The following PTPN13 variants were observed in gnomAD, a reference collection of about 807,000 sequenced individuals.
The protein encoded by PTPN13 is tyrosine-protein phosphatase non-receptor type 13.
In PTPN13, 191 loss-of-function variants were observed where a neutral mutation model predicts 284.0. That is an observed-to-expected ratio of 0.67 (90% CI 0.60 to 0.76). PTPN13 has a LOEUF of 0.76. PTPN13 is among the 30% of genes least tolerant of loss of function. The pLI is 0.00. For synonymous variants in PTPN13, 986 were observed against 1,022.3 expected, an observed-to-expected ratio of 0.96 and a Z score of 0.68; for missense variants, 2,797 against 2,939.9, an observed-to-expected ratio of 0.95 and a Z score of 1.12.
At chr4:86,739,757 C>T (rs933832385) in intron 15 of PTPN13, among the ~76,000 whole-genome samples, 1 of 152,206 alleles carries the variant, frequency 6.6e-6, no homozygotes, top group Non-Finnish European at 1.5e-5. Flanking sequence ...AGGCAAGTCC[C>T]TTCTGCCTAT....
At chr4:86,689,828 T>C in intron 5 of PTPN13, 1 of 688,240 alleles carries the variant, frequency 1.5e-6, no homozygotes, top group Non-Finnish European at 2.6e-6. Flanking sequence ...TCTAAGGCTG[T>C]ATTTTATCTT....
intron 1 of PTPN13, among the ~76,000 whole-genome samples, chr4:86,601,661 A>G (rs1039277151): frequency 2.6e-5 from 4 of 152,286 alleles, no homozygotes; most frequent in Non-Finnish European, 2.9e-5. Context: ...TTATGTTAGT[A>G]CATCAAACTT....
chr4:86,768,952 C>T (rs566722321), intron 28 of PTPN13, among the ~76,000 whole-genome samples: 29 of 151,980 alleles, frequency 1.9e-4, no homozygotes, highest in African/African-American at 4.3e-4. Flanking sequence ...TCAGGTGATC[C>T]GCCCTCCTCA....
intron 1 of PTPN13, among the ~76,000 whole-genome samples, chr4:86,597,142 C>T (rs772099849): frequency 1.3e-4 from 19 of 149,012 alleles, no homozygotes; most frequent in Non-Finnish European, 2.7e-4. Context: ...ATGGAAATGA[C>T]GAGAATCTTT....
At chr4:86,617,171 T>C (rs921956851) in intron 1 of PTPN13, among the ~76,000 whole-genome samples, 6 of 152,188 alleles carry the variant, frequency 3.9e-5, no homozygotes, top group African/African-American at 1.4e-4. Flanking sequence ...TTCATAATTT[T>C]CTAGGGCTTT....
Position 86,613,094 on chromosome 4 carries a change from T to A in PTPN13, c.-6+18305T>A, listed in dbSNP as rs151250353. Among the ~76,000 whole-genome samples the A allele has an allele frequency of 3.3e-3, 505 of 152,300 alleles. 1 individual carries two copies. The highest frequency in any genetic ancestry group is 0.012 in the African/African-American group (489 of 41,562). On this transcript the variant is annotated intron_variant, in intron 1 of 47. Coordinates refer to ENST00000411767, the MANE Select transcript of PTPN13 (RefSeq NM_080683.3). ...ATACTTTTCTAATTATTGAACTTGA[T>A]AATAGGCTGAGAAAAGTAAATTGGC...
intron 15 of PTPN13, among the ~76,000 whole-genome samples, chr4:86,737,607 C>T (rs144159848): frequency 6.6e-6 from 1 of 151,868 alleles, no homozygotes; most frequent in African/African-American, 2.4e-5. Flanking sequence ...GTCCCCTCCC[C>T]CTACCTGTAA....
intron 2 of PTPN13, among the ~76,000 whole-genome samples, chr4:86,637,572 CAA>C (rs750888269): frequency 0.046 from 7,000 of 151,820 alleles, 195 homozygotes; most frequent in African/African-American, 0.06. Context: ...GAACCAAAGA[CAA>C]AAACCACATG....
intron 24 of PTPN13, 135 bp from the exon 25 acceptor site, chr4:86,764,458 C>T (rs934698520): frequency 3.1e-6 from 2 of 642,780 alleles, no homozygotes; most frequent in South Asian, 3.0e-5. Flanking sequence ...ACATATTTGT[C>T]TTTCAGTAAT....
At chr4:86,694,723 A>T (rs961899908) in intron 6 of PTPN13, among the ~76,000 whole-genome samples, 2 of 151,464 alleles carry the variant, frequency 1.3e-5, no homozygotes, top group Non-Finnish European at 2.9e-5. Flanking sequence ...TTTGTTGATT[A>T]TCTTTGTTCT....
chr4:86,619,216 T>C (rs1720941727), intron 1 of PTPN13, among the ~76,000 whole-genome samples: 1 of 152,194 alleles, frequency 6.6e-6, no homozygotes, highest in South Asian at 2.1e-4. Context: ...GAAGGTTAGG[T>C]ATATTAATCA....
chr4:86,788,768 A>C (rs1742278071), intron 40 of PTPN13, among the ~76,000 whole-genome samples: 1 of 152,208 alleles, frequency 6.6e-6, no homozygotes, highest in African/African-American at 2.4e-5. Flanking sequence ...AAGAGGTGTT[A>C]GGGTTTCTGT....
intron 15 of PTPN13, 119 bp downstream of exon 15, chr4:86,735,865 C>A: frequency 1.2e-6 from 1 of 846,112 alleles, no homozygotes; most frequent in Non-Finnish European, 1.7e-6. Context: ...ATAATCTCAT[C>A]TCATTGCTGG....
intron 1 of PTPN13, among the ~76,000 whole-genome samples, chr4:86,599,658 T>C (rs555268224): frequency 6.6e-6 from 1 of 152,314 alleles, no homozygotes; most frequent in South Asian, 2.1e-4. Flanking sequence ...TGAAATGGCA[T>C]ATATATAATT....
intron 7 of PTPN13, among the ~76,000 whole-genome samples, chr4:86,712,091 T>A (rs1362202039): frequency 6.6e-6 from 1 of 152,090 alleles, no homozygotes; most frequent in African/African-American, 2.4e-5. Flanking sequence ...CTGTTTGAAG[T>A]TTCCATAATA....
chr4:86,732,781 T>C lies in PTPN13; in HGVS notation c.1858+15T>C. ...TACCCTCAAAGGTACCAAGACATTT[T>C]ATATTCAGAGTACAGTATAGAAATT... On this transcript the variant is annotated intron_variant, in intron 12 of 47. Transcript: ENST00000411767. The C allele has an allele frequency of 6.2e-7, 1 of 1,607,586 alleles. No individual in the cohort carries two copies. Among genetic ancestry groups the C allele is most frequent in the East Asian group, 2.2e-5 (1 of 44,716 alleles).
chr4:86,723,728 T>A (rs1733925494), intron 10 of PTPN13, among the ~76,000 whole-genome samples: 1 of 152,240 alleles, frequency 6.6e-6, no homozygotes, highest in Non-Finnish European at 1.5e-5. Flanking sequence ...CTGGATATTA[T>A]CATTCTTTTT....
At position 86,750,730 on chromosome 4, in the gene PTPN13, C is replaced by T; in HGVS notation, c.2911C>T (p.His971Tyr). The T allele has an allele frequency of 1.2e-6, 2 of 1,613,644 alleles. No individual in the cohort carries two copies. The highest frequency in any genetic ancestry group is 1.6e-4 in the Middle Eastern group (1 of 6,062). Reference protein sequence around the residue: ...EKPREMSKSYHDLSQASLYPH... With the variant: ...EKPREMSKSYYDLSQASLYPH... Reference sequence around the variant, plus strand: ...GCCTAGAGAGATGAGTAAATCATACCATGATCTCAGTCAGGCCTCTCTCTA... The same window carrying T: ...GCCTAGAGAGATGAGTAAATCATACTATGATCTCAGTCAGGCCTCTCTCTA... Residue 971 changes from histidine (H) to tyrosine (Y), a missense_variant, in exon 18 of 48, where the codon CAT (histidine) becomes TAT (tyrosine). Physicochemically the swap from His to Tyr is moderately conservative, Grantham distance 83. Coordinates refer to ENST00000411767, the MANE Select transcript of PTPN13 (RefSeq NM_080683.3).
intron 35 of PTPN13, among the ~76,000 whole-genome samples, chr4:86,776,237 T>A (rs1427706751): frequency 6.6e-6 from 1 of 152,300 alleles, no homozygotes; most frequent in East Asian, 1.9e-4. Context: ...TGAGCCACCC[T>A]ACCTGGCCCG....
Sources: gnomAD v4.1 joint callset for allele counts (sites outside exome capture counted in the v4.1 genomes callset) on GRCh38, gnomAD v4.1.1 for gene constraint, MANE v1.5 for transcripts, NCBI Gene and HGNC (gene_info 2026-07-23, HGNC 2026-07-21) for gene names.